The following TPRG1 variants were observed in gnomAD, a reference collection of about 807,000 sequenced individuals.
The protein encoded by TPRG1 is tumor protein p63 regulated 1, also known as tumor protein p63-regulated gene 1 protein.
A neutral mutation model predicts 29.3 loss-of-function variants in TPRG1; 29 were observed. That is an observed-to-expected ratio of 0.99 (90% CI 0.74 to 1.35). TPRG1 has a LOEUF of 1.35. Among genes scored for constraint, TPRG1 ranks in the 40% most tolerant of loss-of-function variants. The probability of loss-of-function intolerance (pLI) is 0.00; values close to 1 mark genes in which losing one functional copy is unlikely to be tolerated. For synonymous variants in TPRG1, 130 were observed against 116.8 expected (o/e 1.11, Z -0.73); for missense variants, 327 against 335.0 (o/e 0.98, Z 0.19).
In TPRG1 at chr3:189,103,201, A is replaced by G. The variant is rs1374787683; in HGVS notation, c.-744+2997A>G. Among the ~76,000 whole-genome samples the G allele has an allele frequency of 2.0e-5, 3 of 152,320 alleles. No homozygotes were observed. The East Asian group carries it at 5.8e-4, about 29-fold the overall frequency. On this transcript the variant is annotated intron_variant, in intron 1 of 6. Transcript: ENST00000412373. The stretch of plus-strand genomic sequence containing the variant: ...TTTTTGTAAATAAAGTTTTATTGGA[A>G]CAGAAGCATGCCCATTCAGTGTGCT...
At chr3:189,132,354 C>G (rs1723202362) in intron 2 of TPRG1, 1 of 152,216 alleles carries the variant, frequency 6.6e-6, no homozygotes, top group Non-Finnish European at 1.5e-5. Context: ...TGGGCGTTAG[C>G]TGAAAGCGTG....
intron 4 of TPRG1, among the ~76,000 whole-genome samples, chr3:189,309,081 T>C (rs79284330): frequency 6.8e-6 from 1 of 146,820 alleles, no homozygotes; most frequent in Non-Finnish European, 1.5e-5. Flanking sequence ...TTTTTTTTTT[T>C]TCATTTTTCT....
rs148434907 is a variant in TPRG1 at position 189,246,253 on chromosome 3, C to A, written c.479+7344C>A. Among the ~76,000 whole-genome samples the A allele has an allele frequency of 2.5e-4, 38 of 152,262 alleles. 1 individual carries two copies. In the East Asian group the frequency reaches 6.0e-3, roughly 24 times the overall value. On this transcript the variant is annotated intron_variant, in intron 4 of 5. Coordinates refer to ENST00000345063, the MANE Select transcript of TPRG1 (RefSeq NM_198485.4). ...GTCCCTTTGCTCCTCCTTCACCTTC[C>A]GCTATGATTATAAGGCCTCCCCAGC...
At position 189,048,835 on chromosome 3, in the gene TPRG1, C is replaced by T. The variant is rs181759950; in HGVS notation, c.-463+24889C>T. Among the ~76,000 whole-genome samples the T allele has an allele frequency of 2.2e-3, 339 of 152,238 alleles. 1 individual carries two copies. Among genetic ancestry groups the T allele is most frequent in the African/African-American group, 7.9e-3 (330 of 41,536 alleles). ...TGTGAGTGCCCCAACTGCAGAAGAG[C>T]GAAAGGGAGACCCTCCCGTCCGCAA... On this transcript the variant is annotated intron_variant, in intron 4 of 10. Transcript: ENST00000433971.
chr3:189,018,774 A>G (rs1288920474), intron 3 of TPRG1, among the ~76,000 whole-genome samples: 1 of 150,122 alleles, frequency 6.7e-6, no homozygotes, highest in African/African-American at 2.5e-5. Context: ...GAAGAAAGTC[A>G]TTGGTAGCTT....
intron 1 of TPRG1, among the ~76,000 whole-genome samples, chr3:189,173,711 A>G (rs148954416): frequency 1.3e-5 from 2 of 152,154 alleles, no homozygotes; most frequent in African/African-American, 2.4e-5. Flanking sequence ...CAAGTCACAT[A>G]TGGGTCTCTT....
At chr3:189,278,923 C>G (rs914810219) in intron 4 of TPRG1, among the ~76,000 whole-genome samples, 1 of 152,170 alleles carries the variant, frequency 6.6e-6, no homozygotes, top group African/African-American at 2.4e-5. Flanking sequence ...TGCTCATATT[C>G]CTAAGAAGTG....
At chr3:189,059,453 G>C (rs61157962) in intron 4 of TPRG1, among the ~76,000 whole-genome samples, 1 of 152,018 alleles carries the variant, frequency 6.6e-6, no homozygotes, top group African/African-American at 2.4e-5. Flanking sequence ...TTAGCTGGGT[G>C]TGGTGGCATG....
At chr3:189,038,349 A>G (rs935024131) in intron 4 of TPRG1, among the ~76,000 whole-genome samples, 4 of 152,108 alleles carry the variant, frequency 2.6e-5, no homozygotes, top group Non-Finnish European at 5.9e-5. Flanking sequence ...AGTTTGGAAT[A>G]TATTGTATGA....
At chr3:189,224,529 G>T (rs1434107845) in intron 3 of TPRG1, among the ~76,000 whole-genome samples, 1 of 152,042 alleles carries the variant, frequency 6.6e-6, no homozygotes, top group African/African-American at 2.4e-5. Context: ...GAAAAGAGAA[G>T]AATATGTGCA....
chr3:189,041,581 T>G (rs1714638398), intron 4 of TPRG1, among the ~76,000 whole-genome samples: 1 of 152,212 alleles, frequency 6.6e-6, no homozygotes, highest in Non-Finnish European at 1.5e-5. Context: ...AAGGCACTCA[T>G]GGCTTCCCTT....
rs1269523858 is a variant in TPRG1, at chr3:189,321,738, G to C, written c.*918G>C. On this transcript the variant is annotated 3_prime_UTR_variant, in exon 6 of 6. Coordinates refer to ENST00000345063, the MANE Select transcript of TPRG1 (RefSeq NM_198485.4). ...TTCAAATATATATTTTTTAATAACA[G>C]ACCTTTTTCTTCTAAAGAAATCTTT... 1 of 152,006 alleles carries C rather than the reference G, an allele frequency of 6.6e-6. No individual in the cohort carries two copies. Among genetic ancestry groups the C allele is most frequent in the Non-Finnish European group, 1.5e-5 (1 of 67,974 alleles). 9.4% of individuals were successfully genotyped at this position (152,006 alleles called of 1,614,324 possible).
chr3:189,028,332 A>T (rs1439893136), intron 4 of TPRG1, among the ~76,000 whole-genome samples: 1 of 152,196 alleles, frequency 6.6e-6, no homozygotes, highest in Non-Finnish European at 1.5e-5. Context: ...CATTGTGCAA[A>T]GGTGGAGAGA....
At chr3:189,303,302 A>C (rs1387348012) in intron 4 of TPRG1, among the ~76,000 whole-genome samples, 4 of 152,216 alleles carry the variant, frequency 2.6e-5, no homozygotes, top group African/African-American at 9.6e-5. Context: ...ACTTTCATCC[A>C]AATTAATTCA....
intron 5 of TPRG1, among the ~76,000 whole-genome samples, chr3:189,160,801 A>G (rs995165544): frequency 2.6e-5 from 4 of 152,240 alleles, no homozygotes; most frequent in Admixed American, 2.6e-4. Flanking sequence ...ATCACACGGA[A>G]AATACTTATC....
In TPRG1 at chr3:189,202,612, AC is replaced by A. The variant is rs1357061746; in HGVS notation, c.-9-4761del. On this transcript the variant is annotated intron_variant, in intron 1 of 5. Coordinates refer to ENST00000345063, the MANE Select transcript of TPRG1 (RefSeq NM_198485.4). ...ACAATTTAAAACTTTTAAATTTGTG[AC>A]CCTAAAAGCTGTTTTTTTCCTTCTT... Among the ~76,000 whole-genome samples, 4 of 152,226 alleles carry A rather than the reference AC, an allele frequency of 2.6e-5. No homozygotes were observed. The East Asian group carries it at 7.7e-4, about 29-fold the overall frequency.
intron 4 of TPRG1, among the ~76,000 whole-genome samples, chr3:189,250,513 C>CCCCCCG (rs1553931578): frequency 3.6e-4 from 32 of 88,742 alleles, no homozygotes; most frequent in African/African-American, 1.2e-3. Context: ...CGCCCCCCCC[C>CCCCCCG]CCCCACCCAG....
chr3:189,092,150 T>C (rs1177473942), intron 4 of TPRG1, among the ~76,000 whole-genome samples: 2 of 152,136 alleles, frequency 1.3e-5, no homozygotes, highest in Non-Finnish European at 2.9e-5. Flanking sequence ...CTTTGCAGTT[T>C]ATCAGTGATT....
At chr3:189,286,867 TTCTCTGTCAGGTGATGGGAGGCAC>T (rs1294889623) in intron 4 of TPRG1, among the ~76,000 whole-genome samples, 1 of 152,134 alleles carries the variant, frequency 6.6e-6, no homozygotes, top group African/African-American at 2.4e-5. Context: ...CAGGCTCCAG[TTCTCTGTCAGGTGATGGGAGGCAC>T]TCCTGTATCC....
Sources: allele counts gnomAD v4.1 joint callset (sites outside exome capture counted in the v4.1 genomes callset), GRCh38; gene constraint gnomAD v4.1.1; transcripts MANE v1.5; gene names NCBI Gene and HGNC (gene_info 2026-07-23, HGNC 2026-07-21).